Variants in MIPOL1 observed in about 807,000 individuals in gnomAD.
The protein encoded by MIPOL1 is mirror-image polydactyly 1.
A neutral mutation model predicts 60.9 loss-of-function variants in MIPOL1; 57 were observed. The observed-to-expected ratio is 0.94, with a 90% CI of 0.76 to 1.17. The LOEUF is 1.17. Ranked by LOEUF, MIPOL1 falls within the 50% of genes most tolerant of loss-of-function variation. The pLI is 0.00. For missense variants in MIPOL1, 551 were observed against 511.6 expected (o/e 1.08, Z -0.74); for synonymous variants, 179 against 168.8 (o/e 1.06, Z -0.47).
At chr14:37,319,440 A>G (rs2088307575) in intron 9 of MIPOL1, among the ~76,000 whole-genome samples, 1 of 152,168 alleles carries the variant, frequency 6.6e-6, no homozygotes, top group African/African-American at 2.4e-5. Context: ...GGCAATGTGA[A>G]ACTTGCAGTT....
At chr14:37,398,208 TTC>T (rs1566522074) in intron 10 of MIPOL1, among the ~76,000 whole-genome samples, 2 of 151,446 alleles carry the variant, frequency 1.3e-5, no homozygotes, top group African/African-American at 2.4e-5. Flanking sequence ...TCCAGGTAAT[TTC>T]GGAAACTTCT....
At chr14:37,496,825 A>G (rs1427502624) in intron 11 of MIPOL1, among the ~76,000 whole-genome samples, 1 of 152,188 alleles carries the variant, frequency 6.6e-6, no homozygotes, top group Non-Finnish European at 1.5e-5. Context: ...TGGAACCAAA[A>G]AAGAGTCTGC....
intron 9 of MIPOL1, among the ~76,000 whole-genome samples, chr14:37,352,888 A>G (rs201115283): frequency 0.29 from 37,944 of 131,402 alleles, 5,318 homozygotes; most frequent in East Asian, 0.45. Flanking sequence ...CTAATTGAAT[A>G]CCCTTTATTT....
intron 7 of MIPOL1, among the ~76,000 whole-genome samples, chr14:37,291,068 A>G (rs576432216): frequency 2.0e-5 from 3 of 152,240 alleles, no homozygotes; most frequent in African/African-American, 7.2e-5. Flanking sequence ...GTTCCATACT[A>G]TTATTTCATG....
intron 6 of MIPOL1, among the ~76,000 whole-genome samples, chr14:37,274,001 T>A (rs933970596): frequency 1.3e-5 from 2 of 151,484 alleles, no homozygotes; most frequent in African/African-American, 4.8e-5. Flanking sequence ...GGCTTTTAAT[T>A]AAAAATTAAT....
At chr14:37,541,825 G>C (rs1280631561) in intron 12 of MIPOL1, among the ~76,000 whole-genome samples, 1 of 152,156 alleles carries the variant, frequency 6.6e-6, no homozygotes, top group African/African-American at 2.4e-5. Flanking sequence ...AATCCTACAA[G>C]TTATGCTTAT....
At chr14:37,382,341 C>A (rs1344543415) in intron 10 of MIPOL1, among the ~76,000 whole-genome samples, 1 of 152,000 alleles carries the variant, frequency 6.6e-6, no homozygotes, top group South Asian at 2.1e-4. Flanking sequence ...AGCGTTCTTT[C>A]TTAACTAAAA....
chr14:37,363,704 C>G (rs899701139), intron 9 of MIPOL1, among the ~76,000 whole-genome samples: 1 of 152,184 alleles, frequency 6.6e-6, no homozygotes, highest in South Asian at 2.1e-4. Context: ...AGAAGTTGTC[C>G]GCTGCCATTT....
At chr14:37,456,388 T>A (rs2094476657) in intron 11 of MIPOL1, among the ~76,000 whole-genome samples, 1 of 152,036 alleles carries the variant, frequency 6.6e-6, no homozygotes, top group Non-Finnish European at 1.5e-5. Context: ...ACTTATATTA[T>A]GGGTAAGTTC....
chr14:37,314,144 A>G (rs894788456), intron 9 of MIPOL1, among the ~76,000 whole-genome samples: 5 of 152,154 alleles, frequency 3.3e-5, no homozygotes. Context: ...TTTCTAAGAT[A>G]TTTATATTGC....
chr14:37,245,594 G>A (rs960664471), intron 1 of MIPOL1, among the ~76,000 whole-genome samples: 2 of 152,086 alleles, frequency 1.3e-5, no homozygotes, highest in African/African-American at 4.8e-5. Flanking sequence ...GCATTTAAAA[G>A]CAAATTTAAA....
At position 37,480,175 on chromosome 14, in the gene MIPOL1, AGAG is replaced by A. The variant is rs2094841266; in HGVS notation, c.1032-19729_1032-19727del. Among the ~76,000 whole-genome samples the A allele has an allele frequency of 3.9e-5, 6 of 152,284 alleles. No individual in the cohort carries two copies. In the South Asian group the frequency reaches 1.2e-3, roughly 32 times the overall value. On this transcript the variant is annotated intron_variant, in intron 11 of 12. Coordinates refer to ENST00000684589, the MANE Select transcript of MIPOL1 (RefSeq NM_001388067.1). The stretch of plus-strand genomic sequence containing the variant: ...TTCTCTAACTCTTCCCAAAAATTAA[AGAG>A]GAGAGAATACTTCCAAACTCTTTTT...
chr14:37,334,033 G>T (rs576456967), intron 9 of MIPOL1, among the ~76,000 whole-genome samples: 16 of 152,092 alleles, frequency 1.1e-4, no homozygotes, highest in Admixed American at 3.9e-4. Flanking sequence ...AACTAGAAAA[G>T]ATATTTAGAA....
chr14:37,492,112 T>C (rs2095055887), intron 11 of MIPOL1, among the ~76,000 whole-genome samples: 1 of 152,184 alleles, frequency 6.6e-6, no homozygotes, highest in Non-Finnish European at 1.5e-5. Flanking sequence ...AAAGTGCTGA[T>C]ATTACAAGCA....
At chr14:37,361,420 C>T (rs2092233235) in intron 9 of MIPOL1, among the ~76,000 whole-genome samples, 1 of 152,018 alleles carries the variant, frequency 6.6e-6, no homozygotes, top group African/African-American at 2.4e-5. Flanking sequence ...CTAATATTGA[C>T]AGTGGGGTGT....
chr14:37,525,610 A>G (rs1280874308), intron 12 of MIPOL1, among the ~76,000 whole-genome samples: 2 of 152,150 alleles, frequency 1.3e-5, no homozygotes, highest in Non-Finnish European at 2.9e-5. Context: ...ATAATTCAGA[A>G]TTTTCCAAAT....
Position 37,549,698 on chromosome 14 carries a change from A to T in MIPOL1, c.*2727A>T, listed in dbSNP as rs902986620. ...TTCCCTAATAATCAAAAGATTGTAC[A>T]CATTTTTTTCAATGAAGTACAATAA... is the stretch of plus-strand genomic sequence containing the variant. On this transcript the variant is annotated 3_prime_UTR_variant, in exon 13 of 13. Transcript: ENST00000684589. The T allele has an allele frequency of 2.0e-5, 3 of 151,938 alleles. No homozygotes were observed. The highest frequency in any genetic ancestry group is 7.2e-5 in the African/African-American group (3 of 41,438). 9.4% of individuals were successfully genotyped at this position (151,938 alleles called of 1,614,324 possible).
chr14:37,450,930 A>G (rs1724268772), intron 11 of MIPOL1, among the ~76,000 whole-genome samples: 1 of 152,150 alleles, frequency 6.6e-6, no homozygotes, highest in African/African-American at 2.4e-5. Flanking sequence ...TTGTCTATGA[A>G]TAAAAAAATA....
At chr14:37,442,171 C>A (rs1160188264) in intron 11 of MIPOL1, among the ~76,000 whole-genome samples, 1 of 150,674 alleles carries the variant, frequency 6.6e-6, no homozygotes, top group East Asian at 2.0e-4. Flanking sequence ...TGGCTGTCAG[C>A]TGAATGTTAT....
Sources: gnomAD v4.1 joint callset for allele counts (sites outside exome capture counted in the v4.1 genomes callset) on GRCh38, gnomAD v4.1.1 for gene constraint, MANE v1.5 for transcripts, NCBI Gene and HGNC (gene_info 2026-07-23, HGNC 2026-07-21) for gene names.